The following ANKIB1 variants were observed in gnomAD, a reference collection of about 807,000 sequenced individuals.
ANKIB1 encodes ankyrin repeat and IBR domain-containing protein 1.
Under a neutral mutation model 122.1 loss-of-function variants are expected in ANKIB1, and 43 were observed. The ratio of observed to expected loss-of-function variants is 0.35; its 90% CI spans 0.28 to 0.45. The LOEUF (loss-of-function observed/expected upper bound fraction) is 0.45, where lower values mean the gene tolerates loss of function less well. ANKIB1 is among the 20% of genes least tolerant of loss of function. The pLI, the probability that ANKIB1 is intolerant of heterozygous loss-of-function variation, is 1.00. For synonymous variants in ANKIB1, 390 were observed against 442.0 expected (o/e 0.88, Z 1.48); for missense variants, 992 against 1,329.5 (o/e 0.75, Z 3.95).
intron 11 of ANKIB1, among the ~76,000 whole-genome samples, chr7:92,380,168 C>T (rs992617673): frequency 2.0e-5 from 3 of 152,308 alleles, no homozygotes; most frequent in South Asian, 2.1e-4. Flanking sequence ...AACTGCGAGG[C>T]GGCAAGCCAT....
At chr7:92,283,679 A>G (rs916107529) in intron 1 of ANKIB1, among the ~76,000 whole-genome samples, 5 of 152,200 alleles carry the variant, frequency 3.3e-5, no homozygotes, top group Admixed American at 6.5e-5. Context: ...AAAAATGCCT[A>G]TCGCCTAGTG....
intron 1 of ANKIB1, among the ~76,000 whole-genome samples, chr7:92,282,304 C>G (rs1562770014): frequency 6.6e-6 from 1 of 152,074 alleles, no homozygotes; most frequent in Non-Finnish European, 1.5e-5. Context: ...CAGGCACGTG[C>G]CACCATGCTT....
At chr7:92,351,494 A>T (rs948066913) in intron 8 of ANKIB1, among the ~76,000 whole-genome samples, 1 of 152,130 alleles carries the variant, frequency 6.6e-6, no homozygotes, top group Non-Finnish European at 1.5e-5. Flanking sequence ...AAGATTTCCA[A>T]CTTGGAAGTT....
chr7:92,398,290 C>A lies in ANKIB1; in HGVS notation c.2611C>A (p.Leu871Ile). Residue 871 changes from leucine to isoleucine, a missense_variant, in exon 20 of 20, where the codon CTC (leucine) becomes ATC (isoleucine). This residue lies in a region of ANKIB1 where 384 missense variants were observed against 412.0 expected (regional missense o/e 0.93). Coordinates refer to ENST00000265742, the MANE Select transcript of ANKIB1 (RefSeq NM_019004.2). ...QLSLQESGLA[L>I]DEETRDFLSN... ...ATCACTGCAAGAGTCTGGGCTGGCC[C>A]TCGATGAAGAAACTAGAGACTTCCT... 6.2e-7 allele frequency: 1 copy of A among 1,613,784 alleles called. No individual in the cohort carries two copies. The highest frequency in any genetic ancestry group is 8.5e-7 in the Non-Finnish European group (1 of 1,179,824).
intron 10 of ANKIB1, among the ~76,000 whole-genome samples, chr7:92,368,286 A>G (rs1202318848): frequency 2.6e-5 from 4 of 151,354 alleles, no homozygotes; most frequent in African/African-American, 9.7e-5. Flanking sequence ...CGTTTTAGAA[A>G]GAGACCTAAG....
chr7:92,260,837 A>G (rs1318740019), intron 1 of ANKIB1, among the ~76,000 whole-genome samples: 3 of 152,236 alleles, frequency 2.0e-5, no homozygotes, highest in African/African-American at 2.4e-5. Context: ...CCCTTCGCCT[A>G]CAATAATGCC....
At position 92,361,366 on chromosome 7, in the gene ANKIB1, A is replaced by G. The variant is rs114020344; in HGVS notation, c.1398-819A>G. Among the ~76,000 whole-genome samples the G allele has an allele frequency of 6.7e-3, 1,014 of 152,332 alleles. 10 individuals are homozygous for G. The highest frequency in any genetic ancestry group is 0.023 in the African/African-American group (964 of 41,574). The stretch of plus-strand genomic sequence containing the variant: ...GCTGTTACCTGGAGATGCAGAGGTA[A>G]AAGTAACTACAGTAATTCAACTTAA... On this transcript the variant is annotated intron_variant, in intron 9 of 19. Transcript: ENST00000265742.
chr7:92,261,843 A>G (rs1801571832), intron 1 of ANKIB1, among the ~76,000 whole-genome samples: 1 of 152,180 alleles, frequency 6.6e-6, no homozygotes, highest in African/African-American at 2.4e-5. Context: ...ATTTTGCGCT[A>G]GTGTCAGATC....
intron 4 of ANKIB1, among the ~76,000 whole-genome samples, chr7:92,323,085 G>A (rs572844704): frequency 3.3e-5 from 5 of 152,144 alleles, no homozygotes; most frequent in Admixed American, 3.3e-4. Context: ...TTATTACTTC[G>A]TAGTCGTCAT....
chr7:92,388,824 G>C (rs1009497198), intron 14 of ANKIB1, among the ~76,000 whole-genome samples: 1 of 152,156 alleles, frequency 6.6e-6, no homozygotes, highest in Non-Finnish European at 1.5e-5. Context: ...AATACCATAA[G>C]TTAAATGGAG....
At chr7:92,319,619 G>GGA in intron 4 of ANKIB1, 107 bp downstream of exon 4, 3 of 1,120,984 alleles carry the variant, frequency 2.7e-6, no homozygotes, top group Non-Finnish European at 3.8e-6. Flanking sequence ...CTTCTTTACA[G>GGA]TATTCTAAAT....
rs75174020 is a variant in ANKIB1, at chr7:92,354,132, G to A, written c.1397+1490G>A. Among the ~76,000 whole-genome samples the A allele has an allele frequency of 8.8e-3, 1,343 of 152,168 alleles. 12 individuals carry two copies. Among genetic ancestry groups the A allele is most frequent in the Non-Finnish European group, 0.012 (786 of 68,004 alleles). On this transcript the variant is annotated intron_variant, in intron 9 of 19. Transcript: ENST00000265742. The stretch of plus-strand genomic sequence containing the variant: ...GAGTTTGTCCCCATTCTCTTTGTAT[G>A]CTGCAAGTAATAATAAGTTTGGTTT...
intron 1 of ANKIB1, among the ~76,000 whole-genome samples, chr7:92,257,324 A>G (rs1274080885): frequency 6.6e-6 from 1 of 152,180 alleles, no homozygotes; most frequent in Admixed American, 6.5e-5. Flanking sequence ...GGGGGACAAG[A>G]TGTGCCATGT....
At chr7:92,386,407 C>T in intron 11 of ANKIB1, 102 bp from the exon 12 acceptor site, 1 of 1,297,130 alleles carries the variant, frequency 7.7e-7, no homozygotes, top group Non-Finnish European at 1.0e-6. Flanking sequence ...ACTGGTCACA[C>T]AAGCACAATT....
At position 92,309,973 on chromosome 7, in the gene ANKIB1, C is replaced by T. The variant is rs566954823; in HGVS notation, c.486+2317C>T. On this transcript the variant is annotated intron_variant, in intron 3 of 19. Transcript: ENST00000265742. ...TATATATATATATATAAATTAAATG[C>T]TTTAATATCTTGCTTCCAACTTTTC... Among the ~76,000 whole-genome samples the T allele has an allele frequency of 7.1e-3, 946 of 132,990 alleles. 14 individuals carry two copies. Among genetic ancestry groups the T allele is most frequent in the Non-Finnish European group, 0.01 (648 of 64,214 alleles). The allele number at this position is 132,990 out of a possible 152,430, so 87.2% of individuals were successfully genotyped here.
At chr7:92,352,452 G>A (rs116891782) in intron 8 of ANKIB1, 24 bp from the exon 9 acceptor site, 24,772 of 1,609,630 alleles carry the variant, frequency 0.015, 261 homozygotes, top group Non-Finnish European at 0.018. Flanking sequence ...TTTCTTTTGT[G>A]TTTTGTTATT....
chr7:92,344,632 T>A (rs985525850), intron 6 of ANKIB1, among the ~76,000 whole-genome samples: 1 of 152,202 alleles, frequency 6.6e-6, no homozygotes, highest in Admixed American at 6.5e-5. Flanking sequence ...AAGGGCATGA[T>A]ACTGAAGTGG....
At chr7:92,311,723 C>CA (rs1562778683) in intron 3 of ANKIB1, among the ~76,000 whole-genome samples, 1 of 148,978 alleles carries the variant, frequency 6.7e-6, no homozygotes, top group East Asian at 2.3e-4. Flanking sequence ...AAGCGCCCCC[C>CA]CCACACACAC....
At chr7:92,317,865 A>T (rs1399332502) in intron 3 of ANKIB1, among the ~76,000 whole-genome samples, 1 of 152,236 alleles carries the variant, frequency 6.6e-6, no homozygotes, top group Non-Finnish European at 1.5e-5. Flanking sequence ...ACTCATGCGA[A>T]ATGAAAATCT....
Sources: allele counts gnomAD v4.1 joint callset (sites outside exome capture counted in the v4.1 genomes callset), GRCh38; gene constraint gnomAD v4.1.1; regional missense constraint gnomAD v4.1.1; transcripts MANE v1.5; gene names NCBI Gene and HGNC (gene_info 2026-07-23, HGNC 2026-07-21).